The following DAB1 variants were observed in gnomAD, a reference collection of about 807,000 sequenced individuals.
DAB1 encodes DAB adaptor protein 1.
Under a neutral mutation model 64.6 loss-of-function variants are expected in DAB1, and 15 were observed. That is an observed-to-expected ratio of 0.23 (90% CI 0.16 to 0.36). The LOEUF (loss-of-function observed/expected upper bound fraction) is 0.36. Ranked by LOEUF, DAB1 falls within the 10% of genes least tolerant of loss-of-function variation. The pLI, the probability that DAB1 is intolerant of heterozygous loss-of-function variation, is 1.00. For missense variants in DAB1, 596 were observed against 706.7 expected (o/e 0.84, Z 1.78); for synonymous variants, 235 against 251.9 (o/e 0.93, Z 0.64).
intron 9 of DAB1, among the ~76,000 whole-genome samples, chr1:57,054,768 G>A (rs1377573193): frequency 6.6e-6 from 1 of 152,110 alleles, no homozygotes; most frequent in South Asian, 2.1e-4. Context: ...GTGTGCCACG[G>A]CACCCGGCCA....
chr1:57,152,174 G>A (rs1214086940), intron 2 of DAB1, among the ~76,000 whole-genome samples: 1 of 152,178 alleles, frequency 6.6e-6, no homozygotes, highest in Non-Finnish European at 1.5e-5. Flanking sequence ...GGTATCATTT[G>A]TGGCTGTCTG....
At chr1:57,892,490 T>C (rs1406411861) in intron 5 of DAB1, among the ~76,000 whole-genome samples, 1 of 152,214 alleles carries the variant, frequency 6.6e-6, no homozygotes, top group African/African-American at 2.4e-5. Context: ...CTATTAATAT[T>C]ATTTTCAAGC....
intron 5 of DAB1, among the ~76,000 whole-genome samples, chr1:58,116,754 T>C (rs57821038): frequency 0.15 from 22,596 of 152,206 alleles, 2,108 homozygotes; most frequent in East Asian, 0.44. Context: ...ATTCAGTTCT[T>C]TAATTCTGAA....
chr1:57,327,759 A>C (rs891630752), intron 1 of DAB1, among the ~76,000 whole-genome samples: 1 of 152,192 alleles, frequency 6.6e-6, no homozygotes, highest in Non-Finnish European at 1.5e-5. Flanking sequence ...TGGGTAGCTC[A>C]ACGGTGGCCT....
chr1:57,644,135 T>C (rs1343286459), intron 7 of DAB1, among the ~76,000 whole-genome samples: 1 of 151,978 alleles, frequency 6.6e-6, no homozygotes, highest in Non-Finnish European at 1.5e-5. Flanking sequence ...CCTGGTGAAA[T>C]GGAATGGTCA....
At chr1:57,062,094 A>C (rs111330557) in intron 9 of DAB1, among the ~76,000 whole-genome samples, 1,942 of 152,204 alleles carry the variant, frequency 0.013, 35 homozygotes, top group African/African-American at 0.044. Flanking sequence ...TGTAGGTCCT[A>C]AATATGAGTT....
intron 7 of DAB1, among the ~76,000 whole-genome samples, chr1:57,526,742 G>A (rs1644598119): frequency 6.6e-6 from 1 of 152,180 alleles, no homozygotes; most frequent in Admixed American, 6.6e-5. Context: ...TGAATGTTCA[G>A]ACATTTGCCT....
At chr1:57,082,303 C>T (rs1291713341) in intron 4 of DAB1, among the ~76,000 whole-genome samples, 1 of 152,178 alleles carries the variant, frequency 6.6e-6, no homozygotes, top group Non-Finnish European at 1.5e-5. Context: ...CTGAGCACTT[C>T]AATGACTTAA....
intron 4 of DAB1, among the ~76,000 whole-genome samples, chr1:57,121,504 T>A (rs1656661427): frequency 6.6e-6 from 1 of 152,024 alleles, no homozygotes; most frequent in Non-Finnish European, 1.5e-5. Flanking sequence ...CTGGAAATGC[T>A]AATTTATGCT....
intron 1 of DAB1, among the ~76,000 whole-genome samples, chr1:57,325,448 T>G (rs1676078410): frequency 6.6e-6 from 1 of 152,224 alleles, no homozygotes; most frequent in South Asian, 2.1e-4. Context: ...ACCAAAGGGA[T>G]AAAAGTGTGC....
At chr1:57,261,974 A>T (rs1670216861) in intron 2 of DAB1, among the ~76,000 whole-genome samples, 1 of 152,214 alleles carries the variant, frequency 6.6e-6, no homozygotes, top group Non-Finnish European at 1.5e-5. Context: ...ATGAAAATAA[A>T]AGAGGCACAG....
chr1:58,281,413 A>T (rs1661560027), intron 4 of DAB1, among the ~76,000 whole-genome samples: 1 of 151,720 alleles, frequency 6.6e-6, no homozygotes, highest in Non-Finnish European at 1.5e-5. Flanking sequence ...CTACCTCCTT[A>T]ATACCTCCGA....
rs1661501684 is a variant in DAB1 at position 58,279,138 on chromosome 1, G to T, written n.309+64214C>A. On this transcript the variant is annotated intron_variant and non_coding_transcript_variant, in intron 4 of 20. Coordinates refer to the DAB1 transcript ENST00000485760. ...ATTTCTACCTGAAGCTTTCTGGTAA[G>T]TTCAGCATTTAGACACTGAAAGAGA... Among the ~76,000 whole-genome samples, 2 of 1,078 alleles carry T rather than the reference G, an allele frequency of 1.9e-3. 1 individual carries two copies. The highest frequency in any genetic ancestry group is 0.2 in the South Asian group (2 of 10). The allele number at this position is 1,078 out of a possible 152,430, so 0.7% of individuals were successfully genotyped here.
At chr1:57,947,990 G>A (rs1234449908) in intron 5 of DAB1, among the ~76,000 whole-genome samples, 1 of 152,174 alleles carries the variant, frequency 6.6e-6, no homozygotes, top group African/African-American at 2.4e-5. Context: ...TTGGGCTCAA[G>A]AAACAGTATG....
In DAB1 at chr1:58,072,087, G is replaced by GA. The variant is rs920787020; in HGVS notation, n.387+78423_387+78424insT. Among the ~76,000 whole-genome samples, 4 of 128,612 alleles carry GA rather than the reference G, an allele frequency of 3.1e-5. 1 individual carries two copies. Among genetic ancestry groups the GA allele is most frequent in the African/African-American group, 1.1e-4 (4 of 35,964 alleles). The allele number at this position is 128,612 out of a possible 152,430, so 84.4% of individuals were successfully genotyped here. On this transcript the variant is annotated intron_variant and non_coding_transcript_variant, in intron 5 of 20. Transcript: ENST00000485760. Reference sequence around the variant, plus strand: ...GATAGCAAACATTATTGGTGGGGTGGGGGGGGGTGGGTAGTAGGGAAGGTT... The same window carrying GA: ...GATAGCAAACATTATTGGTGGGGTGGAGGGGGGGTGGGTAGTAGGGAAGGTT...
chr1:57,245,352 T>A (rs888326804), intron 2 of DAB1, among the ~76,000 whole-genome samples: 17 of 152,150 alleles, frequency 1.1e-4, no homozygotes, highest in Non-Finnish European at 1.5e-5. Context: ...TACATAGGTA[T>A]ACATGTGCAT....
intron 3 of DAB1, among the ~76,000 whole-genome samples, chr1:58,421,856 G>T (rs1009452997): frequency 6.6e-6 from 1 of 152,194 alleles, no homozygotes; most frequent in African/African-American, 2.4e-5. Flanking sequence ...AACAGATTGT[G>T]AAGTGGGCAG....
intron 7 of DAB1, among the ~76,000 whole-genome samples, chr1:57,564,636 G>A (rs1645095161): frequency 6.6e-6 from 1 of 152,224 alleles, no homozygotes; most frequent in African/African-American, 2.4e-5. Context: ...CCTGAAGCAT[G>A]CACAAGCTTC....
intron 5 of DAB1, among the ~76,000 whole-genome samples, chr1:58,035,242 A>G (rs1433622299): frequency 6.6e-6 from 1 of 152,218 alleles, no homozygotes; most frequent in East Asian, 1.9e-4. Flanking sequence ...GCTATTTTAG[A>G]TCCTCCAACC....
Sources: gnomAD v4.1 joint callset for allele counts (sites outside exome capture counted in the v4.1 genomes callset) on GRCh38, gnomAD v4.1.1 for gene constraint, MANE v1.5 for transcripts, NCBI Gene and HGNC (gene_info 2026-07-23, HGNC 2026-07-21) for gene names.